ST6GALNAC3: variants seen among roughly 807,000 people sequenced by gnomAD.
ST6GALNAC3 encodes ST6 N-acetylgalactosaminide alpha-2,6-sialyltransferase 3, also known as alpha-N-acetylgalactosaminide alpha-2,6-sialyltransferase 3.
Under a neutral mutation model 32.7 loss-of-function variants are expected in ST6GALNAC3, and 25 were observed. That is an observed-to-expected ratio of 0.76 (90% CI 0.56 to 1.07). The LOEUF is 1.07. Among genes scored for constraint, ST6GALNAC3 ranks in the 50% least tolerant of loss-of-function variants. The pLI, the probability that ST6GALNAC3 is intolerant of heterozygous loss-of-function variation, is 0.00. For synonymous variants in ST6GALNAC3, 129 were observed against 133.1 expected (o/e 0.97, Z 0.21); for missense variants, 355 against 382.4 (o/e 0.93, Z 0.60).
At chr1:76,608,085 C>T (rs113450495) in intron 3 of ST6GALNAC3, among the ~76,000 whole-genome samples, 1 of 152,156 alleles carries the variant, frequency 6.6e-6, no homozygotes, top group South Asian at 2.1e-4. Context: ...TAGTGTCCTG[C>T]CTCATATGAA....
At chr1:76,415,410 C>G (rs1313238221) in intron 3 of ST6GALNAC3, among the ~76,000 whole-genome samples, 3 of 151,630 alleles carry the variant, frequency 2.0e-5, no homozygotes, top group Non-Finnish European at 4.4e-5. Context: ...AGATAGAAAC[C>G]AATCCTGTTC....
chr1:76,626,225 G>A (rs1648959527), intron 3 of ST6GALNAC3, among the ~76,000 whole-genome samples: 1 of 151,876 alleles, frequency 6.6e-6, no homozygotes, highest in African/African-American at 2.4e-5. Context: ...TGTATCCAGA[G>A]AGCGGTTATC....
chr1:76,222,441 A>G (rs1451582358), intron 1 of ST6GALNAC3, among the ~76,000 whole-genome samples: 2 of 152,218 alleles, frequency 1.3e-5, no homozygotes, highest in Non-Finnish European at 2.9e-5. Flanking sequence ...AGCAAAAGAA[A>G]CTATCAACAG....
chr1:76,422,193 T>G (rs1251888238), intron 3 of ST6GALNAC3, among the ~76,000 whole-genome samples: 1 of 152,012 alleles, frequency 6.6e-6, no homozygotes, highest in African/African-American at 2.4e-5. Flanking sequence ...CACTCAATAT[T>G]TGCTAAATAA....
At chr1:76,512,264 A>G (rs1661909896) in intron 3 of ST6GALNAC3, among the ~76,000 whole-genome samples, 1 of 152,146 alleles carries the variant, frequency 6.6e-6, no homozygotes, top group Non-Finnish European at 1.5e-5. Context: ...CTTCAAACCC[A>G]CACTGCTGTC....
At chr1:76,480,776 C>G (rs763128653) in intron 3 of ST6GALNAC3, among the ~76,000 whole-genome samples, 8 of 152,044 alleles carry the variant, frequency 5.3e-5, no homozygotes, top group Non-Finnish European at 1.2e-4. Flanking sequence ...AATCACTCTC[C>G]TTATTACTCT....
Position 76,273,360 on chromosome 1 carries a change from C to A in ST6GALNAC3, c.19-40445C>A, listed in dbSNP as rs7550026. On this transcript the variant is annotated intron_variant, in intron 1 of 4. Transcript: ENST00000328299. ...GATTTATCACATGAAAATTAAAACA[C>A]AAACCCAGAAAAATATTCACAATAA... Among the ~76,000 whole-genome samples the A allele has an allele frequency of 7.5e-3, 1,141 of 151,486 alleles. 13 individuals carry two copies. The highest frequency in any genetic ancestry group is 0.025 in the African/African-American group (1,042 of 41,372).
chr1:76,118,653 T>C (rs543591127), intron 1 of ST6GALNAC3, among the ~76,000 whole-genome samples: 1 of 152,322 alleles, frequency 6.6e-6, no homozygotes, highest in East Asian at 1.9e-4. Flanking sequence ...ACATGATGCT[T>C]GCAAAAGGTA....
chr1:76,512,209 GAA>G (rs963147262), intron 3 of ST6GALNAC3, among the ~76,000 whole-genome samples: 1 of 152,026 alleles, frequency 6.6e-6, no homozygotes, highest in South Asian at 2.1e-4. Flanking sequence ...TTACTACTAT[GAA>G]AAAAATAGAA....
chr1:76,085,452 T>C (rs1646951998), intron 1 of ST6GALNAC3, among the ~76,000 whole-genome samples: 1 of 152,140 alleles, frequency 6.6e-6, no homozygotes, highest in South Asian at 2.1e-4. Flanking sequence ...TTACTGAGCA[T>C]AGAGCTAAAT....
At chr1:76,156,956 C>T (rs543322324) in intron 1 of ST6GALNAC3, among the ~76,000 whole-genome samples, 6 of 152,204 alleles carry the variant, frequency 3.9e-5, no homozygotes, top group Non-Finnish European at 7.3e-5. Context: ...TGGTCTCAAT[C>T]TTCTGACCTC....
At chr1:76,458,643 C>A (rs1658033573) in intron 3 of ST6GALNAC3, among the ~76,000 whole-genome samples, 1 of 148,816 alleles carries the variant, frequency 6.7e-6, no homozygotes, top group African/African-American at 2.5e-5. Context: ...GAACAAAAAA[C>A]CAAACACCAC....
intron 1 of ST6GALNAC3, among the ~76,000 whole-genome samples, chr1:76,174,855 A>G (rs1163914722): frequency 2.0e-5 from 3 of 151,838 alleles, no homozygotes; most frequent in Admixed American, 6.6e-5. Context: ...TTTAGTAGAT[A>G]CAAGGTTTCT....
chr1:76,413,612 T>G (rs950340017), intron 3 of ST6GALNAC3, among the ~76,000 whole-genome samples: 1 of 152,140 alleles, frequency 6.6e-6, no homozygotes, highest in Non-Finnish European at 1.5e-5. Flanking sequence ...TTTAACATTT[T>G]CTACTTCTGA....
rs528302453 is a variant in ST6GALNAC3 at position 76,632,372 on chromosome 1, T to C, written c.*3566T>C. On this transcript the variant is annotated 3_prime_UTR_variant, in exon 5 of 5. Transcript: ENST00000328299. ...AGACTTGTAAGTATAGCAATCTGTA[T>C]TGTAGGTTCTGCCGATTGCAGGCTT... 6.6e-5 allele frequency: 10 copies of C among 152,280 alleles called. No homozygotes were observed. The highest frequency in any genetic ancestry group is 2.2e-4 in the African/African-American group (9 of 41,556). 9.4% of individuals were successfully genotyped at this position (152,280 alleles called of 1,614,324 possible). A position where few individuals can be genotyped will look rare whatever the true frequency, so the allele number is the denominator to read the frequency against.
chr1:76,556,136 T>C lies in ST6GALNAC3; in HGVS notation c.624-71316T>C, dbSNP rs1446080768. Among the ~76,000 whole-genome samples, 3 of 152,154 alleles carry C rather than the reference T, an allele frequency of 2.0e-5. No individual in the cohort carries two copies. The East Asian group carries it at 5.8e-4, about 29-fold the overall frequency. On this transcript the variant is annotated intron_variant, in intron 3 of 4. Coordinates refer to ENST00000328299, the MANE Select transcript of ST6GALNAC3 (RefSeq NM_152996.4). ...AAATGGAATCATACAGTACGTGGCC[T>C]TTTGTGTCCAGCTTCTTTCATTAAG...
chr1:76,289,777 G>C (rs1659973544), intron 1 of ST6GALNAC3, among the ~76,000 whole-genome samples: 1 of 152,244 alleles, frequency 6.6e-6, no homozygotes, highest in Non-Finnish European at 1.5e-5. Flanking sequence ...GCCTGATGTA[G>C]GCTCCGCCTT....
At chr1:76,203,790 ATAATT>A (rs1428063720) in intron 1 of ST6GALNAC3, among the ~76,000 whole-genome samples, 2 of 152,188 alleles carry the variant, frequency 1.3e-5, no homozygotes, top group Non-Finnish European at 2.9e-5. Flanking sequence ...GGTACCTGTG[ATAATT>A]TAATACACAC....
intron 3 of ST6GALNAC3, among the ~76,000 whole-genome samples, chr1:76,488,336 C>CA (rs1660268001): frequency 1.1e-4 from 3 of 27,374 alleles, no homozygotes; most frequent in Admixed American, 1.1e-3. Flanking sequence ...CCTTCACCTT[C>CA]TGTGTTGATT....
Sources: allele counts gnomAD v4.1 joint callset (sites outside exome capture counted in the v4.1 genomes callset), GRCh38; gene constraint gnomAD v4.1.1; transcripts MANE v1.5; gene names NCBI Gene and HGNC (gene_info 2026-07-23, HGNC 2026-07-21).